FMO2: variants seen among roughly 807,000 people sequenced by gnomAD.
FMO2 encodes flavin-containing monooxygenase 2.
A neutral mutation model predicts 41.6 loss-of-function variants in FMO2; 33 were observed. The ratio of observed to expected loss-of-function variants is 0.79; its 90% CI spans 0.60 to 1.06. The LOEUF (loss-of-function observed/expected upper bound fraction) is 1.06, where lower values mean the gene tolerates loss of function less well. FMO2 is among the 50% of genes least tolerant of loss of function. FMO2 has a pLI of 0.00. For missense variants in FMO2, 619 were observed against 632.9 expected, an observed-to-expected ratio of 0.98 and a Z score of 0.23; for synonymous variants, 214 against 219.6, an observed-to-expected ratio of 0.97 and a Z score of 0.23.
rs1658865756 is a variant in FMO2, at chr1:171,208,833, T to C, written c.1296T>C (p.Tyr432=). The part of the protein sequence containing the change: ...ESQSQTLQTN[Y]VDYLDELALE... ...AGAGCCAGACGTTGCAGACCAATTA[T>C]GTTGACTACTTGGACGAGCTCGCCT... Residue 432 remains tyrosine (Y), a synonymous_variant, in exon 9 of 9, where the codon TAT becomes TAC. Coordinates refer to ENST00000209929, the MANE Select transcript of FMO2 (RefSeq NM_001460.5). 1.9e-6 allele frequency: 3 copies of C among 1,614,010 alleles called. No individual in the cohort carries two copies. The highest frequency in any genetic ancestry group is 2.2e-5 in the South Asian group (2 of 91,082).
In FMO2 at chr1:171,205,459, C is replaced by G. The variant is rs201156178; in HGVS notation, c.1008C>G (p.Pro336=). The G allele has an allele frequency of 1.2e-6, 2 of 1,613,816 alleles. No individual in the cohort carries two copies. The highest frequency in any genetic ancestry group is 3.3e-5 in the Admixed American group (2 of 59,936). ...CAACAGGATATAGTTTCTCTTTTCC[C>G]TTCCTTGAAGATTCACTCGTTAAAG... ...IFATGYSFSF[P]FLEDSLVKVE... Residue 336 remains proline (P), a synonymous_variant, in exon 7 of 9, where the codon CCC becomes CCG. Coordinates refer to ENST00000209929, the MANE Select transcript of FMO2 (RefSeq NM_001460.5).
intron 2 of FMO2, among the ~76,000 whole-genome samples, chr1:171,191,668 A>G (rs1344474180): frequency 6.6e-6 from 1 of 152,018 alleles, no homozygotes; most frequent in Non-Finnish European, 1.5e-5. Flanking sequence ...CAGAATTAGG[A>G]TATCAATCCA....
intron 1 of FMO2, 123 bp from the exon 2 acceptor site, chr1:171,185,585 A>G: frequency 1.1e-6 from 1 of 933,336 alleles, no homozygotes; most frequent in Non-Finnish European, 1.6e-6. Flanking sequence ...CTCTTTATTC[A>G]ATAGTGCTGC....
intron 4 of FMO2, among the ~76,000 whole-genome samples, chr1:171,197,840 A>G (rs1358321544): frequency 6.6e-6 from 1 of 152,206 alleles, no homozygotes; most frequent in African/African-American, 2.4e-5. Flanking sequence ...ACAATGCCCT[A>G]TGCTGCCTTG....
At position 171,212,207 on chromosome 1, in the gene FMO2, G is replaced by A. The variant is rs1489661257; in HGVS notation, c.*3062G>A. 6.6e-6 allele frequency among the ~76,000 whole-genome samples: 1 copy of A among 152,196 alleles called. No homozygotes were observed. The highest frequency in any genetic ancestry group is 1.5e-5 in the Non-Finnish European group (1 of 68,044). ...GGTGAAGTCTCTGCCCTCATGAAAA[G>A]ATTAATCCCATTATCTCAGGAGTGT... On this transcript the variant is annotated 3_prime_UTR_variant, in exon 9 of 9. Transcript: ENST00000209929.
In FMO2 at chr1:171,197,246, C is replaced by A. The variant is rs1233700275; in HGVS notation, c.484+435C>A. 3.3e-5 allele frequency among the ~76,000 whole-genome samples: 5 copies of A among 152,294 alleles called. No homozygotes were observed. The East Asian group carries it at 9.6e-4, about 29-fold the overall frequency. On this transcript the variant is annotated intron_variant, in intron 4 of 8. Coordinates refer to ENST00000209929, the MANE Select transcript of FMO2 (RefSeq NM_001460.5). ...AGAGAAGTGCAGGAATAGAACCCTG[C>A]ATCCAGCTGTTCTGGTCCACCCAAG... is the stretch of plus-strand genomic sequence containing the variant.
Position 171,205,435 on chromosome 1 carries a change from AACAGGATATAGTTTC to A in FMO2, c.985_999del (p.Thr329_Phe333del). 6.2e-7 allele frequency: 1 copy of A among 1,613,928 alleles called. No homozygotes were observed. The highest frequency in any genetic ancestry group is 8.5e-7 in the Non-Finnish European group (1 of 1,179,898). ...AGAACATTGATGTCATCATTTTTGC[AACAGGATATAGTTTC>A]TCTTTTCCCTTCCTTGAAGATTCAC... On this transcript the variant is annotated inframe_deletion, in exon 7 of 9. Coordinates refer to ENST00000209929, the MANE Select transcript of FMO2 (RefSeq NM_001460.5).
rs941997988 is a variant in FMO2 at position 171,193,215 on chromosome 1, G to T, written c.133-120G>T. ...AGACTGCATTCATTACCTAAACATT[G>T]TCGTCACACTGCAGCAACCAAAGAC... On this transcript the variant is annotated intron_variant, in intron 2 of 8. Transcript: ENST00000209929. 1.1e-5 allele frequency: 7 copies of T among 654,848 alleles called. No individual in the cohort carries two copies. In the African/African-American group the frequency reaches 1.3e-4, roughly 12 times the overall value. 40.6% of individuals were successfully genotyped at this position (654,848 alleles called of 1,614,324 possible).
chr1:171,207,089 T>C (rs1047279840), intron 7 of FMO2, among the ~76,000 whole-genome samples: 2 of 152,162 alleles, frequency 1.3e-5, no homozygotes, highest in African/African-American at 4.8e-5. Flanking sequence ...TCTGGACTAC[T>C]TGAACATGAG....
Position 171,207,788 on chromosome 1 carries a change from C to T in FMO2, c.1254C>T (p.Asp418=). 3 of 1,585,100 alleles carry T rather than the reference C, an allele frequency of 1.9e-6. No homozygotes were observed. The highest frequency in any genetic ancestry group is 2.6e-6 in the Non-Finnish European group (3 of 1,154,834). ...TCAAAAGGAATGAAAAAAGAATTGA[C>T]CTGTAAGAATTTTTTTTAATTCTTT... ...DIIKRNEKRI[D]LFGESQSQTL... is the part of the protein sequence containing the mutation. Residue 418 remains aspartate (D), a splice_region_variant and synonymous_variant, in exon 8 of 9, where the codon GAC becomes GAT. Coordinates refer to ENST00000209929, the MANE Select transcript of FMO2 (RefSeq NM_001460.5).
rs773135662 is a variant in FMO2, at chr1:171,205,647, G to A, written c.1183+13G>A. 20 of 1,528,220 alleles carry A rather than the reference G, an allele frequency of 1.3e-5. No individual in the cohort carries two copies. In the East Asian group the frequency reaches 3.2e-4, roughly 24 times the overall value. The allele number at this position is 1,528,220 out of a possible 1,614,324, so 94.7% of individuals were successfully genotyped here. A position where few individuals can be genotyped will look rare whatever the true frequency, so the allele number is the denominator to read the frequency against. On this transcript the variant is annotated intron_variant, in intron 7 of 8. Transcript: ENST00000209929. ...AGAGTTTTCAAAGGTAAGTGTGTAG[G>A]CAGGTGAGTGGCTAAGCGTTTCAGA...
chr1:171,194,891 TG>T (rs1232579662), intron 3 of FMO2, among the ~76,000 whole-genome samples: 3 of 152,252 alleles, frequency 2.0e-5, no homozygotes, highest in Non-Finnish European at 4.4e-5. Context: ...GGTGAAAATT[TG>T]TATTTATAAA....
At chr1:171,192,198 C>G (rs574908687) in intron 2 of FMO2, among the ~76,000 whole-genome samples, 71 of 152,106 alleles carry the variant, frequency 4.7e-4, no homozygotes, top group Non-Finnish European at 8.8e-4. Context: ...AGTTTGACAT[C>G]AGTATTATGC....
At position 171,212,194 on chromosome 1, in the gene FMO2, G is replaced by A. The variant is rs1216912335; in HGVS notation, c.*3049G>A. On this transcript the variant is annotated 3_prime_UTR_variant, in exon 9 of 9. Transcript: ENST00000209929. ...AATGAGGTGATTAGGTGAAGTCTCT[G>A]CCCTCATGAAAAGATTAATCCCATT... Among the ~76,000 whole-genome samples the A allele has an allele frequency of 1.3e-5, 2 of 152,146 alleles. No individual in the cohort carries two copies. Among genetic ancestry groups the A allele is most frequent in the African/African-American group, 2.4e-5 (1 of 41,420 alleles).
chr1:171,185,780 G>T lies in FMO2; in HGVS notation c.67G>T (p.Asp23Tyr). 6.2e-7 allele frequency: 1 copy of T among 1,613,880 alleles called. No homozygotes were observed. Among genetic ancestry groups the T allele is most frequent in the Non-Finnish European group, 8.5e-7 (1 of 1,179,794 alleles). ...CCTAATTTCTCTGAAGTGCTGTGTG[G>T]ATGAGGGACTTGAGCCCACTTGCTT... The part of the protein sequence containing the change: ...SGLISLKCCV[D>Y]EGLEPTCFER... The change falls in exon 2 of 9, where the codon GAT becomes TAT. Residue 23 changes from aspartate (D) to tyrosine (Y), a missense_variant. Coordinates refer to ENST00000209929, the MANE Select transcript of FMO2 (RefSeq NM_001460.5).
intron 8 of FMO2, 29 bp downstream of exon 8, chr1:171,207,819 A>G: frequency 7.2e-7 from 1 of 1,391,164 alleles, no homozygotes; most frequent in Non-Finnish European, 1.0e-6. Flanking sequence ...TCTTTACATG[A>G]AGCAGTGTTT....
At chr1:171,194,443 T>G (rs7550060) in intron 3 of FMO2, among the ~76,000 whole-genome samples, 60,477 of 152,068 alleles carry the variant, frequency 0.4, 12,823 homozygotes, top group East Asian at 0.55. Context: ...ATAGCTACTA[T>G]GCTTAGAAAA....
chr1:171,208,835 T>A lies in FMO2; in HGVS notation c.1298T>A (p.Val433Asp), dbSNP rs775461325. 35 of 1,613,864 alleles carry A rather than the reference T, an allele frequency of 2.2e-5. No homozygotes were observed. Among genetic ancestry groups the A allele is most frequent in the Non-Finnish European group, 3.0e-5 (35 of 1,179,862 alleles). ...AGCCAGACGTTGCAGACCAATTATG[T>A]TGACTACTTGGACGAGCTCGCCTTA... The part of the protein sequence containing the change: ...SQSQTLQTNY[V>D]DYLDELALEI... The change falls in exon 9 of 9, where the codon GTT becomes GAT. Residue 433 changes from valine to aspartate, a missense_variant. Physicochemically the swap from Val to Asp is radical, Grantham distance 152 (BLOSUM62 -3). Coordinates refer to ENST00000209929, the MANE Select transcript of FMO2 (RefSeq NM_001460.5).
chr1:171,185,679 G>T lies in FMO2; in HGVS notation c.-6-29G>T, dbSNP rs187633998. 336 of 1,612,402 alleles carry T rather than the reference G, an allele frequency of 2.1e-4. 2 individuals carry two copies. In the Admixed American group the frequency reaches 3.6e-3, roughly 17 times the overall value. ...TTCTCTTACCGGTTGTCCCAGTTAA[G>T]TAATGTTGATTGATCAACTCCTTGA... On this transcript the variant is annotated intron_variant, in intron 1 of 8. Coordinates refer to ENST00000209929, the MANE Select transcript of FMO2 (RefSeq NM_001460.5).
Sources: gnomAD v4.1 joint callset for allele counts (sites outside exome capture counted in the v4.1 genomes callset) on GRCh38, gnomAD v4.1.1 for gene constraint, MANE v1.5 for transcripts, NCBI Gene and HGNC (gene_info 2026-07-23, HGNC 2026-07-21) for gene names.